Variants in MARS1 observed in about 807,000 individuals in gnomAD.
MARS1 encodes methionine--tRNA ligase, cytoplasmic.
In MARS1, 80 loss-of-function variants were observed where a neutral mutation model predicts 119.5. The ratio of observed to expected loss-of-function variants is 0.67; its 90% CI spans 0.56 to 0.81. MARS1 has a LOEUF of 0.81. Among genes scored for constraint, MARS1 ranks in the 30% least tolerant of loss-of-function variants. The pLI, the probability that MARS1 is intolerant of heterozygous loss-of-function variation, is 0.00. For missense variants in MARS1, 945 were observed against 1,116.5 expected, an observed-to-expected ratio of 0.85 and a Z score of 2.19; for synonymous variants, 418 against 433.4, an observed-to-expected ratio of 0.96 and a Z score of 0.44.
chr12:57,500,394 T>C lies in MARS1; in HGVS notation c.1165T>C (p.Cys389Arg). ...VLQDTVEQLR[C>R]EHCARFLADR... ...GCAAGATACTGTGGAGCAACTGCGA[T>C]GTGAGCACTGTGCTCGCTTCCTGGC... The change falls in exon 10 of 21, where the codon TGT (cysteine) becomes CGT (arginine). Residue 389 changes from cysteine to arginine, a missense_variant. Physicochemically the swap from Cys to Arg is radical, Grantham distance 180. Coordinates refer to ENST00000262027, the MANE Select transcript of MARS1 (RefSeq NM_004990.4). 1 of 1,614,224 alleles carries C rather than the reference T, an allele frequency of 6.2e-7. No homozygotes were observed. The highest frequency in any genetic ancestry group is 8.5e-7 in the Non-Finnish European group (1 of 1,180,032).
At chr12:57,514,397 G>A (rs1444391774) in intron 15 of MARS1, among the ~76,000 whole-genome samples, 1 of 152,112 alleles carries the variant, frequency 6.6e-6, no homozygotes, top group East Asian at 1.9e-4. Context: ...CTGACCTCAG[G>A]TGATCTGCCC....
At position 57,488,188 on chromosome 12, in the gene MARS1, T is replaced by C. The variant is rs1875594069; in HGVS notation, c.98T>C (p.Val33Ala). 3.1e-6 allele frequency: 5 copies of C among 1,613,186 alleles called. No homozygotes were observed. The South Asian group carries it at 3.3e-5, about 11-fold the overall frequency. The change falls in exon 1 of 21, where the codon GTA (valine) becomes GCA (alanine). Residue 33 changes from valine (V) to alanine (A), a missense_variant. Val to Ala is a moderately conservative substitution (Grantham distance 64). Transcript: ENST00000262027. ...RGRAEVLIST[V>A]GPEDCVVPFL... ...AGAGCAGAGGTGCTCATCAGCACTG[T>C]AGGCCCGGAAGGTACTCGTGCTGGT...
Position 57,513,614 on chromosome 12 carries a change from C to CAAA in MARS1, c.1967+667_1967+669dup, listed in dbSNP as rs34526594. 4.8e-3 allele frequency among the ~76,000 whole-genome samples: 355 copies of CAAA among 74,408 alleles called. 6 individuals carry two copies. The East Asian group carries it at 0.13, about 28-fold the overall frequency. The allele number at this position is 74,408 out of a possible 152,430, so 48.8% of individuals were successfully genotyped here. A position where few individuals can be genotyped will look rare whatever the true frequency, so the allele number is the denominator to read the frequency against. ...TTGGCAAAAGAGGGAGATCCTGTCT[C>CAAA]AAAAAAAAAAAAAAAAAAAGGCTTC... On this transcript the variant is annotated intron_variant, in intron 15 of 20. Transcript: ENST00000262027.
rs748955220 is a variant in MARS1 at position 57,512,942 on chromosome 12, A to G, written c.1945A>G (p.Asn649Asp). The change falls in exon 15 of 21, where the codon AAC becomes GAC. Residue 649 changes from asparagine to aspartate, a missense_variant. By Grantham distance (23) the Asn-to-Asp change is conservative. Coordinates refer to ENST00000262027, the MANE Select transcript of MARS1 (RefSeq NM_004990.4). The part of the protein sequence containing the change: ...LLKNNSELLN[N>D]LGNFINRAGM... The stretch of plus-strand genomic sequence containing the variant: ...GAAGAATAATTCTGAGCTGCTTAAC[A>G]ACCTGGGCAACTTCATCAACAGGTA... 62 of 1,614,060 alleles carry G rather than the reference A, an allele frequency of 3.8e-5. No individual in the cohort carries two copies. The highest frequency in any genetic ancestry group is 4.0e-5 in the Non-Finnish European group (47 of 1,180,022).
In MARS1 at chr12:57,488,070, C is replaced by T; in HGVS notation, c.-21C>T. On this transcript the variant is annotated 5_prime_UTR_variant, in exon 1 of 21. Coordinates refer to ENST00000262027, the MANE Select transcript of MARS1 (RefSeq NM_004990.4). ...AGCGGGAGGCCGGTTCCGGTTGCAT[C>T]AGCGAGGGATTCACGGCGAAATGAG... is the stretch of plus-strand genomic sequence containing the variant. 1.2e-6 allele frequency: 2 copies of T among 1,608,278 alleles called. No individual in the cohort carries two copies. Among genetic ancestry groups the T allele is most frequent in the Non-Finnish European group, 1.7e-6 (2 of 1,174,974 alleles).
At position 57,504,420 on chromosome 12, in the gene MARS1, ATAC is replaced by A. The variant is rs1366527951; in HGVS notation, c.1368+124_1368+126del. 2.3e-5 allele frequency: 18 copies of A among 781,594 alleles called. No individual in the cohort carries two copies. The African/African-American group carries it at 2.9e-4, about 13-fold the overall frequency. 48.4% of individuals were successfully genotyped at this position (781,594 alleles called of 1,614,324 possible). A position where few individuals can be genotyped will look rare whatever the true frequency, so the allele number is the denominator to read the frequency against. ...TTTAAATTTCCATTAAGAATTGTACATACTATTGTCAAGAGATGAAATAGATTA... is the reference window on the plus strand; with the variant it reads ...TTTAAATTTCCATTAAGAATTGTACATATTGTCAAGAGATGAAATAGATTA... On this transcript the variant is annotated intron_variant, in intron 11 of 20. Transcript: ENST00000262027.
At chr12:57,508,992 A>G (rs1323072249) in intron 11 of MARS1, among the ~76,000 whole-genome samples, 1 of 152,100 alleles carries the variant, frequency 6.6e-6, no homozygotes, top group Non-Finnish European at 1.5e-5. Flanking sequence ...CAACTCTACC[A>G]CTACTCTCTA....
rs755480968 is a variant in MARS1 at position 57,515,263 on chromosome 12, T to C, written c.2318T>C (p.Leu773Pro). Residue 773 changes from leucine to proline, a missense_variant, in exon 18 of 21, where the codon CTC (leucine) becomes CCC (proline). Leu to Pro is a moderately conservative substitution (Grantham distance 98, BLOSUM62 -3). Transcript: ENST00000262027. ...GCCACAATCCAGGCCCAGCTGCAGC[T>C]CCCACCTCCAGCCTGCAGTATCCTG... ...VSATIQAQLQ[L>P]PPPACSILLT... 6.2e-7 allele frequency: 1 copy of C among 1,613,974 alleles called. No homozygotes were observed. Among genetic ancestry groups the C allele is most frequent in the Non-Finnish European group, 8.5e-7 (1 of 1,179,998 alleles).
intron 7 of MARS1, among the ~76,000 whole-genome samples, chr12:57,494,328 C>CTT (rs71448526): frequency 2.3e-4 from 28 of 121,224 alleles, no homozygotes; most frequent in Non-Finnish European, 3.4e-4. Context: ...TCTTTTTTTT[C>CTT]TTTTTTTTTT....
chr12:57,491,136 G>A (rs1875932010), intron 7 of MARS1, among the ~76,000 whole-genome samples: 2 of 151,796 alleles, frequency 1.3e-5, no homozygotes, highest in African/African-American at 2.4e-5. Flanking sequence ...GCCTCCCAAA[G>A]TGCTGGGATT....
At position 57,498,141 on chromosome 12, in the gene MARS1, C is replaced by A; in HGVS notation, c.771-16C>A. ...ACATCCCCCCATGCACTGTTCTCTT[C>A]CTCTTTCCTTACTAGGTTGCCTGTG... On this transcript the variant is annotated splice_polypyrimidine_tract_variant and intron_variant, in intron 7 of 20. Coordinates refer to ENST00000262027, the MANE Select transcript of MARS1 (RefSeq NM_004990.4). 1.3e-6 allele frequency: 2 copies of A among 1,571,190 alleles called. No individual in the cohort carries two copies. Among genetic ancestry groups the A allele is most frequent in the Non-Finnish European group, 1.8e-6 (2 of 1,140,938 alleles).
intron 2 of MARS1, 48 bp downstream of exon 2, chr12:57,489,157 C>T: frequency 6.2e-7 from 1 of 1,601,144 alleles, no homozygotes; most frequent in Admixed American, 1.7e-5. Context: ...CAAATCAGGC[C>T]TCACTGTCAT....
chr12:57,494,373 G>C (rs985365764), intron 7 of MARS1, among the ~76,000 whole-genome samples: 3 of 136,062 alleles, frequency 2.2e-5, no homozygotes, highest in African/African-American at 8.3e-5. Flanking sequence ...TGTCGTCCAG[G>C]CTGGAGTGCA....
chr12:57,501,802 A>G (rs1244395289), intron 10 of MARS1, among the ~76,000 whole-genome samples: 3 of 151,774 alleles, frequency 2.0e-5, no homozygotes, highest in Non-Finnish European at 4.4e-5. Context: ...AGCCTGGGTT[A>G]CAAAGTAAGA....
At chr12:57,503,705 C>T (rs1339499861) in intron 10 of MARS1, among the ~76,000 whole-genome samples, 1 of 152,026 alleles carries the variant, frequency 6.6e-6, no homozygotes, top group East Asian at 1.9e-4. Flanking sequence ...CCATGCCCAG[C>T]TAATTTTTGT....
chr12:57,500,502 A>G lies in MARS1; in HGVS notation c.1273A>G (p.Ile425Val). The G allele has an allele frequency of 1.2e-6, 2 of 1,613,486 alleles. No individual in the cohort carries two copies. The highest frequency in any genetic ancestry group is 8.5e-7 in the Non-Finnish European group (1 of 1,179,376). The change falls in exon 10 of 21, where the codon ATC becomes GTC. Residue 425 changes from isoleucine to valine, a missense_variant. Physicochemically the swap from Ile to Val is conservative, Grantham distance 29. Transcript: ENST00000262027. Reference protein sequence around the residue: ...GDQCDKCGKLINAVELKKPQC... With the variant: ...GDQCDKCGKLVNAVELKKPQC... The stretch of plus-strand genomic sequence containing the variant: ...CCAGTGTGACAAGTGTGGCAAGCTC[A>G]TCAATGCTGTCGAGCTTAAGGTAAG...
intron 11 of MARS1, among the ~76,000 whole-genome samples, chr12:57,508,444 C>T (rs1000897394): frequency 5.3e-5 from 8 of 152,224 alleles, no homozygotes; most frequent in African/African-American, 7.2e-5. Flanking sequence ...GGATCACTGG[C>T]GGTTAGGAGC....
At chr12:57,509,193 C>T (rs1392291249) in intron 11 of MARS1, among the ~76,000 whole-genome samples, 1 of 151,974 alleles carries the variant, frequency 6.6e-6, no homozygotes, top group Non-Finnish European at 1.5e-5. Context: ...TTGAGATCTC[C>T]CATCATGTTT....
At chr12:57,515,370 TA>T (rs1877748841) in intron 18 of MARS1, 34 bp downstream of exon 18, 1 of 1,599,454 alleles carries the variant, frequency 6.3e-7, no homozygotes, top group Non-Finnish European at 8.5e-7. Flanking sequence ...TTAAAATTGA[TA>T]CTCTTGCCAT....
Sources: allele counts gnomAD v4.1 joint callset (sites outside exome capture counted in the v4.1 genomes callset), GRCh38; gene constraint gnomAD v4.1.1; transcripts MANE v1.5; gene names NCBI Gene and HGNC (gene_info 2026-07-23, HGNC 2026-07-21).